MBD2: variants seen among roughly 807,000 people sequenced by gnomAD.
The protein encoded by MBD2 is methyl-CpG-binding domain protein 2.
In MBD2, 9 loss-of-function variants were observed where a neutral mutation model predicts 39.3. The ratio of observed to expected loss-of-function variants is 0.23; its 90% CI spans 0.14 to 0.40. The LOEUF is 0.40. MBD2 is among the 10% of genes least tolerant of loss of function. The pLI is 1.00. For synonymous variants in MBD2, 233 were observed against 211.1 expected (o/e 1.10, Z -0.90); for missense variants, 458 against 532.6 (o/e 0.86, Z 1.38).
intron 3 of MBD2, among the ~76,000 whole-genome samples, chr18:54,181,124 G>A (rs1186215669): frequency 2.0e-5 from 3 of 151,904 alleles, no homozygotes; most frequent in Non-Finnish European, 4.4e-5. Context: ...TGAACTCCTG[G>A]CCTCAAGAAA....
chr18:54,183,591 C>T (rs2086265015), intron 3 of MBD2, among the ~76,000 whole-genome samples: 2 of 152,238 alleles, frequency 1.3e-5, no homozygotes, highest in African/African-American at 4.8e-5. Context: ...TTCAGTTTAA[C>T]AAGGAACATC....
At chr18:54,177,570 T>G (rs2086220662) in intron 3 of MBD2, among the ~76,000 whole-genome samples, 1 of 151,848 alleles carries the variant, frequency 6.6e-6, no homozygotes, top group Non-Finnish European at 1.5e-5. Context: ...AAGCTCCGCC[T>G]CCCGCGTTCA....
In MBD2 at chr18:54,224,320, C is replaced by G. The variant is rs924349546; in HGVS notation, c.240G>C (p.Arg80=). ...CCCGTCCCCGTCCCCGGCCACGGCC[C>G]CGGCCCCGGCCACGGCCACAGACGC... is the stretch of plus-strand genomic sequence containing the variant. The part of the protein sequence containing the change: ...GGGVCGRGRG[R]GRGRGRGRGR... The change falls in exon 1 of 7, where the codon CGG becomes CGC. Residue 80 remains arginine (R), a synonymous_variant. Transcript: ENST00000256429. 1.0e-6 allele frequency: 1 copy of G among 984,398 alleles called. No homozygotes were observed. The highest frequency in any genetic ancestry group is 1.2e-6 in the Non-Finnish European group (1 of 824,944). The allele number at this position is 984,398 out of a possible 1,614,324, so 61.0% of individuals were successfully genotyped here. A position where few individuals can be genotyped will look rare whatever the true frequency, so the allele number is the denominator to read the frequency against.
chr18:54,191,359 G>T (rs2086318955), intron 2 of MBD2, among the ~76,000 whole-genome samples: 1 of 152,238 alleles, frequency 6.6e-6, no homozygotes, highest in African/African-American at 2.4e-5. Flanking sequence ...TTGATGGCAG[G>T]TGGATCAAGC....
intron 1 of MBD2, among the ~76,000 whole-genome samples, chr18:54,211,856 GCCT>G (rs1292694778): frequency 6.8e-6 from 1 of 147,644 alleles, no homozygotes; most frequent in East Asian, 1.9e-4. Flanking sequence ...TTTTCCTATG[GCCT>G]CCTTTTTTTT....
chr18:54,183,053 C>T (rs770230068), intron 3 of MBD2, among the ~76,000 whole-genome samples: 3 of 152,158 alleles, frequency 2.0e-5, no homozygotes, highest in Admixed American at 6.5e-5. Context: ...GCTAAATAGA[C>T]GCTTGGGGTG....
intron 6 of MBD2, among the ~76,000 whole-genome samples, chr18:54,158,216 G>A (rs1383881719): frequency 6.9e-6 from 1 of 144,304 alleles, no homozygotes; most frequent in Non-Finnish European, 1.5e-5. Flanking sequence ...CAGACATACT[G>A]CATTCCAACC....
chr18:54,218,705 G>GT (rs2086583281), intron 1 of MBD2, among the ~76,000 whole-genome samples: 1 of 152,224 alleles, frequency 6.6e-6, no homozygotes, highest in South Asian at 2.1e-4. Context: ...GCTCACGCCT[G>GT]TAATCCTAGC....
At chr18:54,158,065 A>G (rs897107021) in intron 6 of MBD2, among the ~76,000 whole-genome samples, 7 of 152,192 alleles carry the variant, frequency 4.6e-5, no homozygotes, top group Non-Finnish European at 2.9e-5. Flanking sequence ...CTTGTAAAGA[A>G]GCAAATCTGA....
intron 3 of MBD2, among the ~76,000 whole-genome samples, chr18:54,185,652 T>C (rs2086281198): frequency 1.3e-5 from 2 of 152,196 alleles, no homozygotes; most frequent in African/African-American, 4.8e-5. Context: ...ATGTGTTTTA[T>C]GCATCTAGCT....
intron 1 of MBD2, among the ~76,000 whole-genome samples, chr18:54,206,364 A>G (rs547693779): frequency 6.6e-6 from 1 of 152,362 alleles, no homozygotes; most frequent in Non-Finnish European, 1.5e-5. Flanking sequence ...TCTGAACTAA[A>G]TAAATGTGCT....
At chr18:54,210,069 G>A (rs2086489627) in intron 1 of MBD2, among the ~76,000 whole-genome samples, 1 of 152,066 alleles carries the variant, frequency 6.6e-6, no homozygotes, top group Non-Finnish European at 1.5e-5. Flanking sequence ...TCCCAGTAAT[G>A]AAATACTATT....
intron 1 of MBD2, among the ~76,000 whole-genome samples, chr18:54,218,550 A>G (rs955978619): frequency 6.6e-6 from 1 of 152,248 alleles, no homozygotes; most frequent in Admixed American, 6.5e-5. Flanking sequence ...TTAAACCACC[A>G]GCTTCAGGTT....
At chr18:54,155,924 A>G (rs569286953) in intron 6 of MBD2, among the ~76,000 whole-genome samples, 163 of 152,286 alleles carry the variant, frequency 1.1e-3, no homozygotes, top group Non-Finnish European at 2.0e-3. Context: ...ATTTTACTTA[A>G]GTAAAATTTA....
Position 54,164,513 on chromosome 18 carries a change from A to T in MBD2, c.1109+10T>A. On this transcript the variant is annotated intron_variant, in intron 5 of 6. Coordinates refer to ENST00000256429, the MANE Select transcript of MBD2 (RefSeq NM_003927.5). ...ACCCAAGTTTATGAAGTCATGTTAA[A>T]CTGCATTACCTGATGTCTTCATCTG... The T allele has an allele frequency of 6.3e-7, 1 of 1,597,092 alleles. No individual in the cohort carries two copies. The highest frequency in any genetic ancestry group is 8.6e-7 in the Non-Finnish European group (1 of 1,165,746).
chr18:54,178,259 A>C (rs189352855), intron 3 of MBD2, among the ~76,000 whole-genome samples: 41 of 152,334 alleles, frequency 2.7e-4, no homozygotes, highest in South Asian at 4.1e-4. Context: ...AAATTACCAG[A>C]AGTATAAATT....
At chr18:54,166,002 C>T in intron 4 of MBD2, 74 bp downstream of exon 4, 2 of 1,007,136 alleles carry the variant, frequency 2.0e-6, no homozygotes. Flanking sequence ...TTGCTGAATC[C>T]ACAGCATCTA....
intron 4 of MBD2, among the ~76,000 whole-genome samples, chr18:54,165,753 A>C (rs1433758467): frequency 2.0e-5 from 3 of 152,184 alleles, no homozygotes; most frequent in Non-Finnish European, 1.5e-5. Flanking sequence ...AGCTTTGAGA[A>C]ATTCTGTTAC....
At position 54,194,557 on chromosome 18, in the gene MBD2, G is replaced by GTA. The variant is rs147119140; in HGVS notation, c.703-5548_703-5547dup. On this transcript the variant is annotated intron_variant, in intron 2 of 6. Coordinates refer to ENST00000256429, the MANE Select transcript of MBD2 (RefSeq NM_003927.5). ...ACATATATAGAAGTTGTGTGTGTGT[G>GTA]TATATATATATATATGTAGCTTAAT... is the stretch of plus-strand genomic sequence containing the variant. 8.9e-3 allele frequency among the ~76,000 whole-genome samples: 1,331 copies of GTA among 148,734 alleles called. 16 individuals are homozygous for GTA. The highest frequency in any genetic ancestry group is 0.022 in the African/African-American group (876 of 40,570).
Sources: gnomAD v4.1 joint callset for allele counts (sites outside exome capture counted in the v4.1 genomes callset) on GRCh38, gnomAD v4.1.1 for gene constraint, MANE v1.5 for transcripts, NCBI Gene and HGNC (gene_info 2026-07-23, HGNC 2026-07-21) for gene names.